The following GABRG3 variants were observed in gnomAD, a reference collection of about 807,000 sequenced individuals.
The protein encoded by GABRG3 is gamma-aminobutyric acid type A receptor subunit gamma3.
In GABRG3, 25 loss-of-function variants were observed where a neutral mutation model predicts 48.8. The observed-to-expected ratio is 0.51, with a 90% confidence interval of 0.37 to 0.72. GABRG3 has a LOEUF of 0.72. Among genes scored for constraint, GABRG3 ranks in the 30% least tolerant of loss-of-function variants. The pLI is 0.00. For synonymous variants in GABRG3, 227 were observed against 217.6 expected (o/e 1.04, Z -0.38); for missense variants, 394 against 577.9 (o/e 0.68, Z 3.26).
intron 3 of GABRG3, among the ~76,000 whole-genome samples, chr15:27,076,844 C>A (rs536803579): frequency 6.6e-6 from 1 of 152,286 alleles, no homozygotes; most frequent in East Asian, 1.9e-4. Flanking sequence ...CCTACCAGCA[C>A]TTTGATTTAG....
intron 2 of GABRG3, among the ~76,000 whole-genome samples, chr15:27,020,866 C>T (rs118034592): frequency 0.014 from 2,189 of 152,264 alleles, 36 homozygotes; most frequent in Non-Finnish European, 0.018. Context: ...TTGTCTCAGA[C>T]GATCTTTTAT....
At chr15:27,331,184 G>A (rs1188389164) in intron 5 of GABRG3, among the ~76,000 whole-genome samples, 1 of 152,144 alleles carries the variant, frequency 6.6e-6, no homozygotes, top group African/African-American at 2.4e-5. Flanking sequence ...CACCTGGGTC[G>A]TCTCTTACAG....
At chr15:27,441,675 G>T (rs1192244826) in intron 5 of GABRG3, among the ~76,000 whole-genome samples, 1 of 152,152 alleles carries the variant, frequency 6.6e-6, no homozygotes, top group African/African-American at 2.4e-5. Flanking sequence ...AAATCAGGGG[G>T]ATTGGGGGAG....
Position 27,003,841 on chromosome 15 carries a change from C to T in GABRG3, c.203-22913C>T, listed in dbSNP as rs556034298. On this transcript the variant is annotated intron_variant, in intron 2 of 9. Coordinates refer to ENST00000615808, the MANE Select transcript of GABRG3 (RefSeq NM_033223.5). The stretch of plus-strand genomic sequence containing the variant: ...TCACCTCCAGGACGGGGTGGCTGGC[C>T]GGGCGGGGGGGGCTGACCCCCCCAC... 2.1e-3 allele frequency among the ~76,000 whole-genome samples: 289 copies of T among 138,040 alleles called. 8 individuals are homozygous for T. The highest frequency in any genetic ancestry group is 5.8e-3 in the African/African-American group (215 of 37,092). 90.6% of individuals were successfully genotyped at this position (138,040 alleles called of 152,430 possible).
intron 3 of GABRG3, among the ~76,000 whole-genome samples, chr15:27,050,999 A>G (rs1442625955): frequency 6.6e-6 from 1 of 152,260 alleles, no homozygotes; most frequent in African/African-American, 2.4e-5. Context: ...GGTCAAATTT[A>G]TACTGCTGTT....
intron 3 of GABRG3, among the ~76,000 whole-genome samples, chr15:27,222,948 A>T (rs562180630): frequency 4.6e-5 from 7 of 152,166 alleles, no homozygotes; most frequent in Non-Finnish European, 7.3e-5. Context: ...GAATGAAAAC[A>T]ATCAACTTTC....
intron 3 of GABRG3, among the ~76,000 whole-genome samples, chr15:27,308,340 A>ATATAAACATACGTTTATATATAAACAT (rs1892803799): frequency 7.9e-6 from 1 of 127,192 alleles, no homozygotes; most frequent in African/African-American, 3.0e-5. Context: ...ATATAAACAT[A>ATATAAACATACGTTTATATATAAACAT]ATATAAACAT....
At chr15:27,335,994 C>T (rs1047269834) in intron 5 of GABRG3, among the ~76,000 whole-genome samples, 5 of 151,924 alleles carry the variant, frequency 3.3e-5, no homozygotes, top group Admixed American at 6.6e-5. Context: ...TTGAGACCAG[C>T]GTGACCAATA....
At chr15:27,161,240 A>C (rs1887176299) in intron 3 of GABRG3, 1 of 152,212 alleles carries the variant, frequency 6.6e-6, no homozygotes, top group Admixed American at 6.5e-5. Context: ...GAAAGCTAGT[A>C]AGTTGGCCTG....
intron 3 of GABRG3, among the ~76,000 whole-genome samples, chr15:27,297,765 A>G (rs1006471970): frequency 6.6e-6 from 1 of 152,176 alleles, no homozygotes; most frequent in Non-Finnish European, 1.5e-5. Flanking sequence ...TAGATTATAT[A>G]AAATAATAAT....
intron 5 of GABRG3, among the ~76,000 whole-genome samples, chr15:27,419,883 G>A (rs1888058353): frequency 6.6e-6 from 1 of 152,098 alleles, no homozygotes; most frequent in South Asian, 2.1e-4. Context: ...AAAATGTATA[G>A]GATAGACTGG....
intron 3 of GABRG3, among the ~76,000 whole-genome samples, chr15:27,132,192 CA>C (rs1897927240): frequency 6.6e-6 from 1 of 151,726 alleles, no homozygotes; most frequent in Non-Finnish European, 1.5e-5. Flanking sequence ...AAATTTTATC[CA>C]AAAAAATCCT....
chr15:27,350,670 G>A (rs2140535693), intron 5 of GABRG3, among the ~76,000 whole-genome samples: 1 of 152,260 alleles, frequency 6.6e-6, no homozygotes, highest in South Asian at 2.1e-4. Flanking sequence ...GATGGACGGT[G>A]CATGATGGGC....
Position 27,527,616 on chromosome 15 carries a change from A to T in GABRG3, c.1049A>T (p.Lys350Met), listed in dbSNP as rs1177509100. 1 of 1,609,996 alleles carries T rather than the reference A, an allele frequency of 6.2e-7. No homozygotes were observed. The highest frequency in any genetic ancestry group is 1.1e-5 in the South Asian group (1 of 90,370). Reference sequence around the variant, plus strand: ...AGCTGTAGAAAACCAACCACCACGAAGAAGACAACATCGGTGAGCTGCAGT... The same window carrying T: ...AGCTGTAGAAAACCAACCACCACGATGAAGACAACATCGGTGAGCTGCAGT... ...YSSCRKPTTT[K>M]KTTSLLHPDS... Residue 350 changes from lysine (K) to methionine (M), a missense_variant, in exon 8 of 10, where the codon AAG (lysine) becomes ATG (methionine). This residue lies in a region of GABRG3 where 126 missense variants were observed against 155.5 expected (regional missense o/e 0.81). Coordinates refer to ENST00000615808, the MANE Select transcript of GABRG3 (RefSeq NM_033223.5).
At chr15:27,390,875 G>A (rs947699400) in intron 5 of GABRG3, among the ~76,000 whole-genome samples, 1 of 152,088 alleles carries the variant, frequency 6.6e-6, no homozygotes, top group Admixed American at 6.5e-5. Flanking sequence ...GATCACTTGA[G>A]GTCAGGAGTT....
At chr15:27,531,287 G>T (rs1266655703) in intron 9 of GABRG3, among the ~76,000 whole-genome samples, 1 of 152,206 alleles carries the variant, frequency 6.6e-6, no homozygotes, top group African/African-American at 2.4e-5. Context: ...ACCAAAGGCT[G>T]CAAGTCCTGA....
At chr15:27,157,859 A>T (rs886726703) in intron 3 of GABRG3, 6 of 152,240 alleles carry the variant, frequency 3.9e-5, no homozygotes, top group African/African-American at 1.4e-4. Context: ...TGTCCTGTTC[A>T]TGGAGGTCCC....
At chr15:27,102,696 C>T (rs1235093412) in intron 3 of GABRG3, among the ~76,000 whole-genome samples, 1 of 152,158 alleles carries the variant, frequency 6.6e-6, no homozygotes, top group Non-Finnish European at 1.5e-5. Flanking sequence ...GGTTGAATTA[C>T]AGTATTTCCA....
At chr15:27,317,393 C>T (rs1044857368) in intron 3 of GABRG3, among the ~76,000 whole-genome samples, 1 of 152,188 alleles carries the variant, frequency 6.6e-6, no homozygotes, top group Non-Finnish European at 1.5e-5. Context: ...TAGTCGTGGC[C>T]TTCTAGTATG....
Sources: gnomAD v4.1 joint callset for allele counts (sites outside exome capture counted in the v4.1 genomes callset) on GRCh38, gnomAD v4.1.1 for gene constraint, gnomAD v4.1.1 regional missense constraint, MANE v1.5 for transcripts, NCBI Gene and HGNC (gene_info 2026-07-23, HGNC 2026-07-21) for gene names.